Variants in CYSTM1 observed in about 807,000 individuals in gnomAD.
CYSTM1 encodes cysteine rich transmembrane module containing 1, also known as cysteine-rich transmembrane module-containing protein 1.
In CYSTM1, 4 loss-of-function variants were observed where a neutral mutation model predicts 13.1. The ratio of observed to expected loss-of-function variants is 0.31; its 90% CI spans 0.15 to 0.70. The LOEUF (loss-of-function observed/expected upper bound fraction) is 0.70. Ranked by LOEUF, CYSTM1 falls within the 30% of genes least tolerant of loss-of-function variation. The pLI, the probability that CYSTM1 is intolerant of heterozygous loss-of-function variation, is 0.72. For synonymous variants in CYSTM1, 36 were observed against 42.7 expected, an observed-to-expected ratio of 0.84 and a Z score of 0.62; for missense variants, 96 against 121.6, an observed-to-expected ratio of 0.79 and a Z score of 0.99.
At chr5:140,177,418 T>C (rs1190067992) in intron 1 of CYSTM1, among the ~76,000 whole-genome samples, 1 of 152,184 alleles carries the variant, frequency 6.6e-6, no homozygotes, top group Non-Finnish European at 1.5e-5. Context: ...TATTGAAACT[T>C]ACCAAAGTCT....
At chr5:140,193,781 G>GC (rs1764120488) in intron 1 of CYSTM1, among the ~76,000 whole-genome samples, 1 of 152,194 alleles carries the variant, frequency 6.6e-6, no homozygotes, top group Admixed American at 6.5e-5. Context: ...TTCCTGGTGA[G>GC]CCCTCCAGAG....
At chr5:140,183,002 GGTATTCATCAGGAACCAGGAGC>G (rs918481461) in intron 1 of CYSTM1, among the ~76,000 whole-genome samples, 1 of 152,132 alleles carries the variant, frequency 6.6e-6, no homozygotes, top group Non-Finnish European at 1.5e-5. Flanking sequence ...AGGCTGGCTT[GGTATTCATCAGGAACCAGGAGC>G]GCTTAGTTAA....
At chr5:140,187,399 C>T (rs755616869) in intron 1 of CYSTM1, among the ~76,000 whole-genome samples, 8 of 151,966 alleles carry the variant, frequency 5.3e-5, no homozygotes, top group Non-Finnish European at 1.2e-4. Flanking sequence ...AGGTCTTGCA[C>T]GGTCTCCCAG....
chr5:140,226,164 G>A (rs1249129228), intron 2 of CYSTM1, among the ~76,000 whole-genome samples: 2 of 152,116 alleles, frequency 1.3e-5, no homozygotes, highest in East Asian at 1.9e-4. Context: ...CATTTTACAT[G>A]CATAATCTCT....
At chr5:140,226,586 T>TTTTATATATATATATATA (rs754744617) in intron 2 of CYSTM1, among the ~76,000 whole-genome samples, 1 of 75,278 alleles carries the variant, frequency 1.3e-5, no homozygotes, top group Non-Finnish European at 2.5e-5. Flanking sequence ...ATACTAAATA[T>TTTTATATATATATATATA]TATATATATA....
At chr5:140,213,023 C>CAG (rs1226694385) in intron 2 of CYSTM1, among the ~76,000 whole-genome samples, 7 of 106,714 alleles carry the variant, frequency 6.6e-5, no homozygotes, top group South Asian at 4.2e-4. Flanking sequence ...GAGAGAGAGA[C>CAG]AGAGAGAGAG....
intron 2 of CYSTM1, among the ~76,000 whole-genome samples, chr5:140,228,275 A>G (rs1764582346): frequency 6.6e-6 from 1 of 151,864 alleles, no homozygotes; most frequent in Non-Finnish European, 1.5e-5. Context: ...GTCCATTCCC[A>G]CTCCTGCTAA....
intron 1 of CYSTM1, among the ~76,000 whole-genome samples, chr5:140,176,249 C>A (rs1235337146): frequency 6.6e-6 from 1 of 152,110 alleles, no homozygotes; most frequent in Non-Finnish European, 1.5e-5. Flanking sequence ...AAAAAGGTGA[C>A]AACACTCTTC....
chr5:140,213,513 GAA>G (rs1370313309), intron 2 of CYSTM1, among the ~76,000 whole-genome samples: 1 of 152,154 alleles, frequency 6.6e-6, no homozygotes, highest in Non-Finnish European at 1.5e-5. Flanking sequence ...CAGTATATAT[GAA>G]GTCTGCAGTA....
At chr5:140,192,949 T>G (rs1245591232) in intron 1 of CYSTM1, among the ~76,000 whole-genome samples, 1 of 152,194 alleles carries the variant, frequency 6.6e-6, no homozygotes, top group Non-Finnish European at 1.5e-5. Flanking sequence ...ATGGATGTTG[T>G]GTGGGCAACC....
In CYSTM1 at chr5:140,226,514, TA is replaced by T. The variant is rs1764554032; in HGVS notation, c.188-16789del. 1.6e-4 allele frequency among the ~76,000 whole-genome samples: 19 copies of T among 120,184 alleles called. No individual in the cohort carries two copies. In the Admixed American group the frequency reaches 1.7e-3, roughly 11 times the overall value. The allele number at this position is 120,184 out of a possible 152,430, so 78.8% of individuals were successfully genotyped here. A position where few individuals can be genotyped will look rare whatever the true frequency, so the allele number is the denominator to read the frequency against. ...ATATATAATATATATAAATATATATTAATAATATATAATATATTTATATATA... is the reference window on the plus strand; with the variant it reads ...ATATATAATATATATAAATATATATTATAATATATAATATATTTATATATA... On this transcript the variant is annotated intron_variant, in intron 2 of 2. Transcript: ENST00000261811.
In CYSTM1 at chr5:140,194,450, A is replaced by C; in HGVS notation, c.-16A>C. The C allele has an allele frequency of 6.4e-7, 1 of 1,550,826 alleles. No homozygotes were observed. Among genetic ancestry groups the C allele is most frequent in the South Asian group, 1.2e-5 (1 of 83,062 alleles). ...TTCATTCTTTTTGTCTCTTAGGTGCACTTTACAGGTCCCCGATGAACCAAG... is the reference window on the plus strand; with the variant it reads ...TTCATTCTTTTTGTCTCTTAGGTGCCCTTTACAGGTCCCCGATGAACCAAG... On this transcript the variant is annotated 5_prime_UTR_variant, in exon 2 of 3. Transcript: ENST00000261811.
chr5:140,177,078 A>AAAAAAAAAAAAAAAAAAAAAAAAC (rs10679899), intron 1 of CYSTM1, among the ~76,000 whole-genome samples: 12 of 135,604 alleles, frequency 8.8e-5, no homozygotes, highest in East Asian at 2.3e-4. Flanking sequence ...CAAAAAAAAA[A>AAAAAAAAAAAAAAAAAAAAAAAAC]AAAAAAAAAT....
chr5:140,207,969 G>A (rs1764317372), intron 2 of CYSTM1, among the ~76,000 whole-genome samples: 1 of 152,134 alleles, frequency 6.6e-6, no homozygotes, highest in Non-Finnish European at 1.5e-5. Flanking sequence ...TGAAGAAAAG[G>A]GAACCCTTGT....
chr5:140,236,700 G>T (rs1377722474), intron 2 of CYSTM1, among the ~76,000 whole-genome samples: 2 of 152,178 alleles, frequency 1.3e-5, no homozygotes, highest in African/African-American at 4.8e-5. Context: ...GCTCAGAGAG[G>T]TCAAGTGTCT....
intron 1 of CYSTM1, among the ~76,000 whole-genome samples, chr5:140,183,148 G>C (rs575128281): frequency 6.6e-6 from 1 of 152,206 alleles, no homozygotes; most frequent in South Asian, 2.1e-4. Flanking sequence ...GTCTTTCAGG[G>C]GCTGGGCTGG....
intron 1 of CYSTM1, among the ~76,000 whole-genome samples, chr5:140,185,040 T>G (rs564574314): frequency 3.3e-5 from 5 of 152,372 alleles, no homozygotes; most frequent in Non-Finnish European, 7.3e-5. Context: ...CTTAAAGCAA[T>G]TATCTGAATG....
At chr5:140,207,269 C>T (rs553977138) in intron 2 of CYSTM1, among the ~76,000 whole-genome samples, 11 of 152,280 alleles carry the variant, frequency 7.2e-5, no homozygotes, top group African/African-American at 2.4e-4. Context: ...TTATGGGGTC[C>T]TTCTGAAATT....
At chr5:140,211,994 CTAAA>C (rs1383396322) in intron 2 of CYSTM1, among the ~76,000 whole-genome samples, 1 of 152,128 alleles carries the variant, frequency 6.6e-6, no homozygotes, top group African/African-American at 2.4e-5. Context: ...GTGCCAGTCA[CTAAA>C]TAAATATTAC....
Sources: gnomAD v4.1 joint callset for allele counts (sites outside exome capture counted in the v4.1 genomes callset) on GRCh38, gnomAD v4.1.1 for gene constraint, MANE v1.5 for transcripts, NCBI Gene and HGNC (gene_info 2026-07-23, HGNC 2026-07-21) for gene names.